The following DLG2 variants were observed in gnomAD, a reference collection of about 807,000 sequenced individuals.
DLG2 encodes the protein disks large homolog 2.
A neutral mutation model predicts 132.5 loss-of-function variants in DLG2; 45 were observed. That is an observed-to-expected ratio of 0.34 (90% CI 0.27 to 0.44). The LOEUF (loss-of-function observed/expected upper bound fraction) is 0.44. DLG2 is among the 20% of genes least tolerant of loss of function. DLG2 has a pLI of 1.00. For missense variants in DLG2, 1,045 were observed against 1,196.9 expected (o/e 0.87, Z 1.87); for synonymous variants, 424 against 419.6 (o/e 1.01, Z -0.13).
At chr11:84,375,154 T>C (rs954153673) in intron 7 of DLG2, among the ~76,000 whole-genome samples, 8 of 152,214 alleles carry the variant, frequency 5.3e-5, no homozygotes, top group Non-Finnish European at 1.2e-4. Flanking sequence ...ATTCTCATTA[T>C]AACACTTTTC....
chr11:83,892,516 C>T (rs936504916), intron 15 of DLG2, among the ~76,000 whole-genome samples: 25 of 151,946 alleles, frequency 1.6e-4, no homozygotes, highest in African/African-American at 5.8e-4. Flanking sequence ...GAAAATCTTC[C>T]AAATGAAGCT....
chr11:85,154,062 G>C (rs911370772), intron 5 of DLG2, among the ~76,000 whole-genome samples: 4 of 135,872 alleles, frequency 2.9e-5, no homozygotes, highest in African/African-American at 1.1e-4. Context: ...GAACAGCCAG[G>C]AAGTACAAAA....
chr11:85,045,270 T>C (rs2062230526), intron 6 of DLG2, among the ~76,000 whole-genome samples: 1 of 152,032 alleles, frequency 6.6e-6, no homozygotes. Flanking sequence ...GATTTGGCTT[T>C]CATAATAAGC....
chr11:84,004,105 T>C (rs1338205430), intron 11 of DLG2, among the ~76,000 whole-genome samples: 1 of 152,118 alleles, frequency 6.6e-6, no homozygotes, highest in African/African-American at 2.4e-5. Context: ...CAGTATTCCC[T>C]GATACCAAAA....
chr11:84,649,448 T>C (rs2099678864), intron 6 of DLG2, among the ~76,000 whole-genome samples: 1 of 152,194 alleles, frequency 6.6e-6, no homozygotes, highest in Admixed American at 6.5e-5. Context: ...GGAGAAAGGC[T>C]GTGTAATGAA....
At chr11:85,321,786 T>C (rs1218386586) in intron 3 of DLG2, among the ~76,000 whole-genome samples, 1 of 152,090 alleles carries the variant, frequency 6.6e-6, no homozygotes, top group Non-Finnish European at 1.5e-5. Flanking sequence ...TAGTCATTGA[T>C]AACACTGACA....
chr11:84,811,482 T>A (rs2076551128), intron 6 of DLG2, among the ~76,000 whole-genome samples: 1 of 152,168 alleles, frequency 6.6e-6, no homozygotes. Flanking sequence ...TGTCATTTTA[T>A]TCAGTCAGTC....
intron 7 of DLG2, among the ~76,000 whole-genome samples, chr11:84,388,494 T>C (rs974520390): frequency 2.0e-5 from 3 of 152,088 alleles, no homozygotes; most frequent in African/African-American, 7.2e-5. Context: ...TTTTCTGGAA[T>C]TGGGTAGTAG....
intron 6 of DLG2, among the ~76,000 whole-genome samples, chr11:84,798,850 T>A (rs2075015869): frequency 6.6e-6 from 1 of 152,148 alleles, no homozygotes; most frequent in Non-Finnish European, 1.5e-5. Flanking sequence ...TGGCCCAGAA[T>A]GTGTCTAGAA....
intron 6 of DLG2, among the ~76,000 whole-genome samples, chr11:84,868,561 C>T (rs548404776): frequency 6.6e-6 from 1 of 152,248 alleles, no homozygotes; most frequent in South Asian, 2.1e-4. Flanking sequence ...TTTCCCACCT[C>T]TGTAAAAATC....
chr11:84,456,131 G>A (rs1299473614), intron 7 of DLG2, among the ~76,000 whole-genome samples: 1 of 151,256 alleles, frequency 6.6e-6, no homozygotes, highest in African/African-American at 2.4e-5. Flanking sequence ...ATTTTGATAA[G>A]GCAACTTACA....
chr11:83,814,805 G>GT (rs1240799393), intron 17 of DLG2: 7 of 233,094 alleles, frequency 3.0e-5, no homozygotes, highest in Admixed American at 8.4e-5. Flanking sequence ...CTTTATCTGA[G>GT]TTTAGATCCT....
At chr11:85,151,560 T>A (rs2077253558) in intron 5 of DLG2, among the ~76,000 whole-genome samples, 1 of 152,170 alleles carries the variant, frequency 6.6e-6, no homozygotes, top group Admixed American at 6.6e-5. Context: ...CGAGTTAATT[T>A]TTGTATATGG....
chr11:84,158,762 G>T, intron 9 of DLG2, among the ~76,000 whole-genome samples: 1 of 151,982 alleles, frequency 6.6e-6, no homozygotes. Context: ...AAGAAAAGCA[G>T]AAACAAAAGA....
intron 5 of DLG2, among the ~76,000 whole-genome samples, chr11:85,134,608 A>ACT (rs11274936): frequency 0.036 from 5,412 of 150,508 alleles, 135 homozygotes; most frequent in African/African-American, 0.061. Flanking sequence ...AATATGTAAG[A>ACT]CTTCTACTTT....
intron 7 of DLG2, among the ~76,000 whole-genome samples, chr11:84,279,774 C>T (rs185168596): frequency 3.6e-4 from 55 of 152,146 alleles, no homozygotes; most frequent in Admixed American, 1.4e-3. Context: ...CAAATGGACA[C>T]GGGGAGGGGA....
chr11:83,620,576 C>A (rs1470641435), intron 19 of DLG2, among the ~76,000 whole-genome samples: 1 of 151,994 alleles, frequency 6.6e-6, no homozygotes, highest in African/African-American at 2.4e-5. Flanking sequence ...CTTTCTTTGT[C>A]AAGAAAAGGA....
chr11:85,300,938 C>T (rs1360548476), intron 3 of DLG2, among the ~76,000 whole-genome samples: 5 of 152,058 alleles, frequency 3.3e-5, no homozygotes, highest in East Asian at 1.9e-4. Context: ...CGGTGACTCA[C>T]GCCTGTAATC....
chr11:84,113,529 C>A (rs919117655), intron 9 of DLG2, among the ~76,000 whole-genome samples: 2 of 152,148 alleles, frequency 1.3e-5, no homozygotes, highest in Non-Finnish European at 2.9e-5. Flanking sequence ...TTTGAATTTT[C>A]AAGCACACAT....
Sources: gnomAD v4.1 joint callset for allele counts (sites outside exome capture counted in the v4.1 genomes callset) on GRCh38, gnomAD v4.1.1 for gene constraint, MANE v1.5 for transcripts, NCBI Gene and HGNC (gene_info 2026-07-23, HGNC 2026-07-21) for gene names.